The following BRCA2 variants were observed in gnomAD, a reference collection of about 807,000 sequenced individuals.
BRCA2 encodes breast cancer type 2 susceptibility protein.
Under a neutral mutation model 276.7 loss-of-function variants are expected in BRCA2, and 203 were observed. The observed-to-expected ratio is 0.73, with a 90% CI of 0.65 to 0.82. The LOEUF is 0.82. Among genes scored for constraint, BRCA2 ranks in the 40% least tolerant of loss-of-function variants. The pLI, the probability that BRCA2 is intolerant of heterozygous loss-of-function variation, is 0.00. For synonymous variants in BRCA2, 1,289 were observed against 1,338.4 expected (o/e 0.96, Z 0.81); for missense variants, 3,920 against 3,915.0 (o/e 1.00, Z -0.03).
At chr13:32,325,730 C>T (rs950076058) in intron 4 of BRCA2, among the ~76,000 whole-genome samples, 6 of 151,686 alleles carry the variant, frequency 4.0e-5, no homozygotes, top group African/African-American at 9.7e-5. Context: ...TTAGTAGAGA[C>T]GGGGTTTCAC....
rs587780648 is a variant in BRCA2 at position 32,319,276 on chromosome 13, G to T, written c.267G>T (p.Pro89=). 16 of 1,613,796 alleles carry T rather than the reference G, an allele frequency of 9.9e-6. No homozygotes were observed. The highest frequency in any genetic ancestry group is 1.7e-4 in the Middle Eastern group (1 of 6,060). The change falls in exon 3 of 27, where the codon CCG becomes CCT. Residue 89 remains proline, a synonymous_variant. Coordinates refer to ENST00000380152, the MANE Select transcript of BRCA2 (RefSeq NM_000059.4). ...IIFKEQGLTL[P]LYQSPVKELD... is the part of the protein sequence containing the mutation. Reference sequence around the variant, plus strand: ...TCAAAGAGCAAGGGCTGACTCTGCCGCTGTACCAATCTCCTGTAAAAGAAT... The same window carrying T: ...TCAAAGAGCAAGGGCTGACTCTGCCTCTGTACCAATCTCCTGTAAAAGAAT...
intron 11 of BRCA2, among the ~76,000 whole-genome samples, chr13:32,342,650 C>T (rs1459554512): frequency 1.3e-5 from 2 of 152,190 alleles, no homozygotes; most frequent in African/African-American, 4.8e-5. Flanking sequence ...GGCTGCAAAC[C>T]TATACAGCAT....
chr13:32,381,195 C>T (rs1182429591), intron 24 of BRCA2, among the ~76,000 whole-genome samples: 3 of 152,078 alleles, frequency 2.0e-5, no homozygotes, highest in Admixed American at 2.0e-4. Flanking sequence ...TATTTAATGA[C>T]TGTTATGTGC....
chr13:32,334,014 C>CT (rs1456551299), intron 10 of BRCA2, among the ~76,000 whole-genome samples: 1 of 152,174 alleles, frequency 6.6e-6, no homozygotes, highest in Non-Finnish European at 1.5e-5. Flanking sequence ...TTTATCCAGT[C>CT]TATCATTGAT....
intron 24 of BRCA2, among the ~76,000 whole-genome samples, chr13:32,387,575 T>G (rs1013550393): frequency 6.6e-6 from 1 of 152,196 alleles, no homozygotes; most frequent in African/African-American, 2.4e-5. Context: ...CAGCTTCTTG[T>G]GGAAGCCTGG....
At chr13:32,350,393 G>A (rs1337784078) in intron 13 of BRCA2, among the ~76,000 whole-genome samples, 1 of 152,080 alleles carries the variant, frequency 6.6e-6, no homozygotes, top group Non-Finnish European at 1.5e-5. Context: ...TAGAAAATAA[G>A]CAGATTTTAA....
At position 32,332,376 on chromosome 13, in the gene BRCA2, G is replaced by A. The variant is rs878853616; in HGVS notation, c.898G>A (p.Val300Ile). Residue 300 changes from valine (V) to isoleucine (I), a missense_variant, in exon 10 of 27, where the codon GTA becomes ATA. Val to Ile is a conservative substitution (Grantham distance 29). This residue lies in a region of BRCA2 where 3,263 missense variants were observed against 3,156.9 expected (regional missense o/e 1.03). Coordinates refer to ENST00000380152, the MANE Select transcript of BRCA2 (RefSeq NM_000059.4). ...VLEDEVYETV[V>I]DTSEEDSFSL... Reference sequence around the variant, plus strand: ...AGAAGATGAAGTATATGAAACAGTTGTAGATACCTCTGAAGAAGATAGTTT... The same window carrying A: ...AGAAGATGAAGTATATGAAACAGTTATAGATACCTCTGAAGAAGATAGTTT... 6.3e-7 allele frequency: 1 copy of A among 1,594,932 alleles called. No homozygotes were observed. The highest frequency in any genetic ancestry group is 8.5e-7 in the Non-Finnish European group (1 of 1,170,196).
In BRCA2 at chr13:32,339,839, A is replaced by G. The variant is rs1380872594; in HGVS notation, c.5484A>G (p.Lys1828=). ...SPCKNKNAAI[K]LSISNSNNFE... Reference sequence around the variant, plus strand: ...GCAAAAATAAAAATGCAGCCATTAAATTGTCCATATCTAATAGTAATAATT... The same window carrying G: ...GCAAAAATAAAAATGCAGCCATTAAGTTGTCCATATCTAATAGTAATAATT... Residue 1828 remains lysine (K), a synonymous_variant, in exon 11 of 27, where the codon AAA becomes AAG. Transcript: ENST00000380152. The G allele has an allele frequency of 6.2e-7, 1 of 1,613,962 alleles. No individual in the cohort carries two copies. The highest frequency in any genetic ancestry group is 8.5e-7 in the Non-Finnish European group (1 of 1,179,864).
intron 26 of BRCA2, 80 bp downstream of exon 26, chr13:32,397,124 C>A (rs2137660321): frequency 6.9e-7 from 1 of 1,444,084 alleles, no homozygotes; most frequent in Non-Finnish European, 9.7e-7. Context: ...ACCTAGTAAA[C>A]ATGGTAAAAT....
At chr13:32,375,287 A>G (rs1215252053) in intron 20 of BRCA2, 1 of 380,050 alleles carries the variant, frequency 2.6e-6, no homozygotes, top group Non-Finnish European at 5.2e-6. Flanking sequence ...ATTCAGTCAC[A>G]TCTTCAGGCT....
In BRCA2 at chr13:32,400,053, T is replaced by TGGG. The variant is rs1269533314; in HGVS notation, c.*1284_*1286dup. On this transcript the variant is annotated 3_prime_UTR_variant, in exon 27 of 27. Transcript: ENST00000380152. ...CATCTGCCTCAGCCTCCCAAAGTGC[T>TGGG]GGGATTATAGGCGTGAGCCACTGTG... is the stretch of plus-strand genomic sequence containing the variant. 1 of 152,226 alleles carries TGGG rather than the reference T, an allele frequency of 6.6e-6. No homozygotes were observed. The highest frequency in any genetic ancestry group is 1.5e-5 in the Non-Finnish European group (1 of 68,064). The allele number at this position is 152,226 out of a possible 1,614,324, so 9.4% of individuals were successfully genotyped here.
At position 32,394,900 on chromosome 13, in the gene BRCA2, A is replaced by G. The variant is rs753503094; in HGVS notation, c.9468A>G (p.Gln3156=). 6.2e-7 allele frequency: 1 copy of G among 1,614,162 alleles called. No individual in the cohort carries two copies. The highest frequency in any genetic ancestry group is 1.7e-5 in the Admixed American group (1 of 60,032). The change falls in exon 25 of 27, where the codon CAA becomes CAG. Residue 3156 remains glutamine (Q), a synonymous_variant. Transcript: ENST00000380152. ...FSASPKEGHF[Q]ETFNKMKNTV... is the part of the protein sequence containing the mutation. ...CTAGTCCAAAAGAGGGCCACTTTCA[A>G]GAGACATTCAACAAAATGAAAAATA...
rs80359328 is a variant in BRCA2, at chr13:32,336,684, G to GA, written c.2330dup (p.Asp777GlufsTer11). 23 of 1,613,748 alleles carry GA rather than the reference G, an allele frequency of 1.4e-5. No individual in the cohort carries two copies. Among genetic ancestry groups the GA allele is most frequent in the Non-Finnish European group, 1.9e-5 (23 of 1,179,786 alleles). ...TCTTATTTTAACTCCTACTTCCAAG[G>GA]ATGTTCTGTCAAACCTAGTCATGAT... is the stretch of plus-strand genomic sequence containing the variant. On this transcript the variant is annotated frameshift_variant, in exon 11 of 27. Coordinates refer to ENST00000380152, the MANE Select transcript of BRCA2 (RefSeq NM_000059.4). LOFTEE classifies it high-confidence loss of function.
intron 8 of BRCA2, among the ~76,000 whole-genome samples, chr13:32,330,259 G>C (rs1369012553): frequency 1.3e-5 from 2 of 152,204 alleles, no homozygotes; most frequent in African/African-American, 4.8e-5. Context: ...GGTGCACTGT[G>C]TGGCCACAAC....
rs1555284280 is a variant in BRCA2, at chr13:32,339,934, A to G, written c.5579A>G (p.Lys1860Arg). 6.2e-7 allele frequency: 1 copy of G among 1,606,566 alleles called. No homozygotes were observed. Among genetic ancestry groups the G allele is most frequent in the Non-Finnish European group, 8.5e-7 (1 of 1,176,328 alleles). ...GTTTGTGTTTCACATGAAACAATTAAAAAAGTGAAAGACATATTTACAGAC... is the reference window on the plus strand; with the variant it reads ...GTTTGTGTTTCACATGAAACAATTAGAAAAGTGAAAGACATATTTACAGAC... ...KIVCVSHETI[K>R]KVKDIFTDSF... The change falls in exon 11 of 27, where the codon AAA becomes AGA. Residue 1860 changes from lysine to arginine, a missense_variant. Lys to Arg is a conservative substitution (Grantham distance 26, BLOSUM62 2). Coordinates refer to ENST00000380152, the MANE Select transcript of BRCA2 (RefSeq NM_000059.4).
At chr13:32,388,719 C>G (rs908845795) in intron 24 of BRCA2, among the ~76,000 whole-genome samples, 2 of 150,684 alleles carry the variant, frequency 1.3e-5, no homozygotes, top group African/African-American at 4.9e-5. Flanking sequence ...GAAGGAAAGC[C>G]AATTAAGTCA....
At position 32,356,048 on chromosome 13, in the gene BRCA2, T is replaced by C. The variant is rs562648293; in HGVS notation, c.7436-380T>C. 4.2e-5 allele frequency among the ~76,000 whole-genome samples: 6 copies of C among 141,364 alleles called. 1 individual carries two copies. In the South Asian group the frequency reaches 1.3e-3, roughly 32 times the overall value. 92.7% of individuals were successfully genotyped at this position (141,364 alleles called of 152,430 possible). ...TAATTTTATAAAACAGGGCTTGCGC[T>C]TTTTTTTTTTTGAGACAGAGTTTCG... On this transcript the variant is annotated intron_variant, in intron 14 of 26. Transcript: ENST00000380152.
At chr13:32,354,599 A>G (rs1444643069) in intron 13 of BRCA2, among the ~76,000 whole-genome samples, 1 of 152,180 alleles carries the variant, frequency 6.6e-6, no homozygotes, top group African/African-American at 2.4e-5. Flanking sequence ...AAGGAGTACT[A>G]TGATGGAATT....
intron 12 of BRCA2, 30 bp downstream of exon 12, chr13:32,344,683 C>G (rs2137537599): frequency 7.1e-7 from 1 of 1,413,356 alleles, no homozygotes; most frequent in Non-Finnish European, 1.0e-6. Flanking sequence ...TATATCTGTT[C>G]TCCCTCTATA....
Sources: allele counts gnomAD v4.1 joint callset (sites outside exome capture counted in the v4.1 genomes callset), GRCh38; gene constraint gnomAD v4.1.1; regional missense constraint gnomAD v4.1.1; transcripts MANE v1.5; gene names NCBI Gene and HGNC (gene_info 2026-07-23, HGNC 2026-07-21).